The following ASB18 variants were observed in gnomAD, a reference collection of about 807,000 sequenced individuals.
The protein encoded by ASB18 is ankyrin repeat and SOCS box containing 18.
In ASB18, 33 loss-of-function variants were observed where a neutral mutation model predicts 33.4. The ratio of observed to expected loss-of-function variants is 0.99; its 90% confidence interval spans 0.75 to 1.32. The LOEUF (loss-of-function observed/expected upper bound fraction) is 1.32. Among genes scored for constraint, ASB18 ranks in the 40% most tolerant of loss-of-function variants. ASB18 has a pLI of 0.00. For synonymous variants in ASB18, 295 were observed against 307.6 expected (o/e 0.96, Z 0.43); for missense variants, 694 against 655.5 (o/e 1.06, Z -0.64).
At position 236,245,541 on chromosome 2, in the gene ASB18, T is replaced by C. The variant is rs1022606580; in HGVS notation, c.206-4139A>G. Among the ~76,000 whole-genome samples, 1 of 152,176 alleles carries C rather than the reference T, an allele frequency of 6.6e-6. No homozygotes were observed. The highest frequency in any genetic ancestry group is 2.1e-4 in the South Asian group (1 of 4,820). On this transcript the variant is annotated intron_variant, in intron 1 of 5. Transcript: ENST00000409749. This position sits in a 1 kb window ranked among gnomAD's most constrained non-coding sequence, Gnocchi z 4.7. Reference sequence around the variant, plus strand: ...CTCTCCAGGTGTCTGTGCAGGCTGTTCCTTCTGCCTGCAGTCCTTATTTTC... The same window carrying C: ...CTCTCCAGGTGTCTGTGCAGGCTGTCCCTTCTGCCTGCAGTCCTTATTTTC...
Position 236,196,107 on chromosome 2 carries a change from G to A in ASB18, c.1215+165C>T, listed in dbSNP as rs1289346482. On this transcript the variant is annotated intron_variant, in intron 5 of 5. Transcript: ENST00000409749. This position sits in a 1 kb window ranked among gnomAD's most constrained non-coding sequence, Gnocchi z 5.6. ...AAGCTCCTGGCTGTGTGATTATGGA[G>A]CCTCCAGAAAAAACCAGAAACGTGC... 1 of 657,802 alleles carries A rather than the reference G, an allele frequency of 1.5e-6. No individual in the cohort carries two copies. Among genetic ancestry groups the A allele is most frequent in the Non-Finnish European group, 2.8e-6 (1 of 354,130 alleles). 40.7% of individuals were successfully genotyped at this position (657,802 alleles called of 1,614,324 possible).
rs928908669 is a variant in ASB18, at chr2:236,214,283, C to T, written c.1101+79G>A. On this transcript the variant is annotated intron_variant, in intron 4 of 5. Coordinates refer to ENST00000409749, the MANE Select transcript of ASB18 (RefSeq NM_212556.4). This position sits in a 1 kb window ranked among gnomAD's most constrained non-coding sequence, Gnocchi z 6.5. ...GGGCCATTACACTTTGAGAGCGCCGCATGCAACCCAGCTCCCAGGCCGGTC... is the reference window on the plus strand; with the variant it reads ...GGGCCATTACACTTTGAGAGCGCCGTATGCAACCCAGCTCCCAGGCCGGTC... 59 of 1,437,050 alleles carry T rather than the reference C, an allele frequency of 4.1e-5. No individual in the cohort carries two copies. In the East Asian group the frequency reaches 1.5e-3, roughly 37 times the overall value. The allele number at this position is 1,437,050 out of a possible 1,614,324, so 89.0% of individuals were successfully genotyped here.
rs1230325601 is a variant in ASB18 at position 236,196,154 on chromosome 2, T to G, written c.1215+118A>C. The G allele has an allele frequency of 1.4e-6, 1 of 715,548 alleles. No individual in the cohort carries two copies. Among genetic ancestry groups the G allele is most frequent in the South Asian group, 1.5e-5 (1 of 66,604 alleles). The allele number at this position is 715,548 out of a possible 1,614,324, so 44.3% of individuals were successfully genotyped here. A position where few individuals can be genotyped will look rare whatever the true frequency, so the allele number is the denominator to read the frequency against. On this transcript the variant is annotated intron_variant, in intron 5 of 5. Transcript: ENST00000409749. The surrounding 1 kb of genome is among the most constrained non-coding windows in gnomAD (Gnocchi z 5.6). ...GTGCAAATACACCCTCATTTCCCAT[T>G]CTTCCTTTTTCAGATGTATAATACT...
At chr2:236,236,480 G>A (rs2060589536) in intron 3 of ASB18, among the ~76,000 whole-genome samples, 2 of 152,118 alleles carry the variant, frequency 1.3e-5, no homozygotes, top group Admixed American at 6.5e-5. Flanking sequence ...ATAAGTCTGC[G>A]GAATTTATCA....
Position 236,248,221 on chromosome 2 carries a change from A to C in ASB18, c.206-6819T>G, listed in dbSNP as rs776431205. 7 of 152,206 alleles carry C rather than the reference A, an allele frequency of 4.6e-5. No homozygotes were observed. Among genetic ancestry groups the C allele is most frequent in the Non-Finnish European group, 8.8e-5 (6 of 68,044 alleles). The allele number at this position is 152,206 out of a possible 1,614,324, so 9.4% of individuals were successfully genotyped here. A position where few individuals can be genotyped will look rare whatever the true frequency, so the allele number is the denominator to read the frequency against. ...ATGAATCACCTGAGGAACTTTAAAA[A>C]ACACGATGCCTGGAGCCCACCTGGT... On this transcript the variant is annotated intron_variant, in intron 1 of 5. Transcript: ENST00000409749. The surrounding 1 kb of genome is among the most constrained non-coding windows in gnomAD (Gnocchi z 4.9).
intron 4 of ASB18, among the ~76,000 whole-genome samples, chr2:236,197,072 G>C (rs62824561): frequency 7.2e-5 from 4 of 55,512 alleles, no homozygotes; most frequent in Middle Eastern, 0.022. Context: ...ATGTATCCCC[G>C]CCCCCCCCAT....
In ASB18 at chr2:236,237,807, A is replaced by G. The variant is rs1180356533; in HGVS notation, c.478T>C (p.Cys160Arg). ...PGGRGALHEA[C>R]LGGHTACVRL... is the part of the protein sequence containing the mutation. ...ACGCAGGCGGTGTGGCCCCCGAGGC[A>G]GGCCTCGTGCAGGGCGCCGCGGCCG... The change falls in exon 3 of 6, where the codon TGC becomes CGC. Residue 160 changes from cysteine to arginine, a missense_variant. Cys to Arg is a radical substitution (Grantham distance 180). Coordinates refer to ENST00000409749, the MANE Select transcript of ASB18 (RefSeq NM_212556.4). This position sits in a 1 kb window ranked among gnomAD's most constrained non-coding sequence, Gnocchi z 6.2. 8 of 1,419,048 alleles carry G rather than the reference A, an allele frequency of 5.6e-6. No individual in the cohort carries two copies. Among genetic ancestry groups the G allele is most frequent in the Non-Finnish European group, 7.3e-6 (8 of 1,092,628 alleles). 87.9% of individuals were successfully genotyped at this position (1,419,048 alleles called of 1,614,324 possible). A position where few individuals can be genotyped will look rare whatever the true frequency, so the allele number is the denominator to read the frequency against.
intron 1 of ASB18, among the ~76,000 whole-genome samples, chr2:236,246,975 G>A (rs1474685687): frequency 2.0e-5 from 3 of 152,128 alleles, no homozygotes; most frequent in Non-Finnish European, 4.4e-5. Flanking sequence ...TTTTTAAAAG[G>A]GATAGGACAC....
In ASB18 at chr2:236,208,591, T is replaced by G. The variant is rs1303634698; in HGVS notation, c.1101+5771A>C. On this transcript the variant is annotated intron_variant, in intron 4 of 5. Coordinates refer to ENST00000409749, the MANE Select transcript of ASB18 (RefSeq NM_212556.4). The surrounding 1 kb of genome is among the most constrained non-coding windows in gnomAD (Gnocchi z 7.7). Reference sequence around the variant, plus strand: ...CCACCCTGGGAAGAGGTGCCCTCCATTAGAGCAAAAGCACCACCTCCTCCC... The same window carrying G: ...CCACCCTGGGAAGAGGTGCCCTCCAGTAGAGCAAAAGCACCACCTCCTCCC... 6.6e-6 allele frequency among the ~76,000 whole-genome samples: 1 copy of G among 151,690 alleles called. No homozygotes were observed. The highest frequency in any genetic ancestry group is 1.5e-5 in the Non-Finnish European group (1 of 67,916).
In ASB18 at chr2:236,241,495, C is replaced by T. The variant is rs1173101967; in HGVS notation, c.206-93G>A. 1.4e-6 allele frequency: 2 copies of T among 1,458,860 alleles called. No individual in the cohort carries two copies. Among genetic ancestry groups the T allele is most frequent in the Non-Finnish European group, 1.9e-6 (2 of 1,054,758 alleles). The allele number at this position is 1,458,860 out of a possible 1,614,324, so 90.4% of individuals were successfully genotyped here. A position where few individuals can be genotyped will look rare whatever the true frequency, so the allele number is the denominator to read the frequency against. On this transcript the variant is annotated intron_variant, in intron 1 of 5. Transcript: ENST00000409749. This position sits in a 1 kb window ranked among gnomAD's most constrained non-coding sequence, Gnocchi z 4.2. ...CTTTTGAAATATTTGAAGTTTTCCT[C>T]TCACTGGCCCTGGCTGTCTCTCCAT...
rs562388444 is a variant in ASB18, at chr2:236,234,613, C to A, written c.596+3076G>T. On this transcript the variant is annotated intron_variant, in intron 3 of 5. Transcript: ENST00000409749. This position sits in a 1 kb window ranked among gnomAD's most constrained non-coding sequence, Gnocchi z 4.1. ...ACAAGAGAGCTCAGAAATAAACTCA[C>A]GCATATATAGTCCATTCATTTTTGA... 1.1e-4 allele frequency among the ~76,000 whole-genome samples: 17 copies of A among 152,182 alleles called. No homozygotes were observed. The highest frequency in any genetic ancestry group is 2.2e-4 in the Non-Finnish European group (15 of 68,042).
In ASB18 at chr2:236,217,294, C is replaced by T. The variant is rs2060492332; in HGVS notation, c.597-2428G>A. Among the ~76,000 whole-genome samples, 1 of 151,918 alleles carries T rather than the reference C, an allele frequency of 6.6e-6. No homozygotes were observed. The highest frequency in any genetic ancestry group is 6.6e-5 in the Admixed American group (1 of 15,260). On this transcript the variant is annotated intron_variant, in intron 3 of 5. Coordinates refer to ENST00000409749, the MANE Select transcript of ASB18 (RefSeq NM_212556.4). This position sits in a 1 kb window ranked among gnomAD's most constrained non-coding sequence, Gnocchi z 5.2. ...TAGTGGTGGATGCATGTAATCCCAG[C>T]CACTCGGGAGGCTGAGGCAGGAGAA...
At position 236,252,377 on chromosome 2, in the gene ASB18, C is replaced by T. The variant is rs2060672335; in HGVS notation, c.206-10975G>A. Among the ~76,000 whole-genome samples the T allele has an allele frequency of 2.6e-5, 4 of 151,548 alleles. No individual in the cohort carries two copies. The highest frequency in any genetic ancestry group is 2.1e-4 in the South Asian group (1 of 4,792). Reference sequence around the variant, plus strand: ...GGCAGACGTGGCCACCATCAACTAGCGGTGGAATCAGATCACTGCTATATG... The same window carrying T: ...GGCAGACGTGGCCACCATCAACTAGTGGTGGAATCAGATCACTGCTATATG... On this transcript the variant is annotated intron_variant, in intron 1 of 5. Transcript: ENST00000409749. This position sits in a 1 kb window ranked among gnomAD's most constrained non-coding sequence, Gnocchi z 7.9.
rs1553600511 is a variant in ASB18 at position 236,217,424 on chromosome 2, A to AAAAAAAAT, written c.597-2559_597-2558insATTTTTTT. ...CGAGACTCTGTCTCAAAAAAAAAAA[A>AAAAAAAAT]AAATAAATCTTGGCACCTTCAACTC... On this transcript the variant is annotated intron_variant, in intron 3 of 5. Transcript: ENST00000409749. This position sits in a 1 kb window ranked among gnomAD's most constrained non-coding sequence, Gnocchi z 5.2. 1.3e-3 allele frequency among the ~76,000 whole-genome samples: 193 copies of AAAAAAAAT among 150,402 alleles called. No homozygotes were observed. Among genetic ancestry groups the AAAAAAAAT allele is most frequent in the African/African-American group, 3.3e-3 (133 of 40,512 alleles).
rs73128930 is a variant in ASB18 at position 236,239,264 on chromosome 2, A to G, written c.329-1308T>C. 0.071 allele frequency among the ~76,000 whole-genome samples: 10,868 copies of G among 152,200 alleles called. 894 individuals are homozygous for G. Among genetic ancestry groups the G allele is most frequent in the African/African-American group, 0.2 (8,308 of 41,484 alleles). On this transcript the variant is annotated intron_variant, in intron 2 of 5. Coordinates refer to ENST00000409749, the MANE Select transcript of ASB18 (RefSeq NM_212556.4). The surrounding 1 kb of genome is among the most constrained non-coding windows in gnomAD (Gnocchi z 5.6). Reference sequence around the variant, plus strand: ...AAAACTACTTACTGCCTTCTCTGGGAAATGCTAAATCCCCAACCCAGCCCC... The same window carrying G: ...AAAACTACTTACTGCCTTCTCTGGGGAATGCTAAATCCCCAACCCAGCCCC...
chr2:236,224,860 C>T (rs1428769554), intron 3 of ASB18, among the ~76,000 whole-genome samples: 1 of 152,154 alleles, frequency 6.6e-6, no homozygotes, highest in Non-Finnish European at 1.5e-5. Flanking sequence ...TCTCTGAGAT[C>T]TCATTCTTCA....
rs928592662 is a variant in ASB18, at chr2:236,249,980, T to C, written c.206-8578A>G. On this transcript the variant is annotated intron_variant, in intron 1 of 5. Coordinates refer to ENST00000409749, the MANE Select transcript of ASB18 (RefSeq NM_212556.4). This position sits in a 1 kb window ranked among gnomAD's most constrained non-coding sequence, Gnocchi z 4.6. ...ATGAGTTCTTTATAATTGAGTCCTATAGTGGAGACACAAACATGAGTTCTT... is the reference window on the plus strand; with the variant it reads ...ATGAGTTCTTTATAATTGAGTCCTACAGTGGAGACACAAACATGAGTTCTT... The C allele has an allele frequency of 6.6e-6, 1 of 152,218 alleles. No individual in the cohort carries two copies. The highest frequency in any genetic ancestry group is 2.4e-5 in the African/African-American group (1 of 41,446). 9.4% of individuals were successfully genotyped at this position (152,218 alleles called of 1,614,324 possible). A position where few individuals can be genotyped will look rare whatever the true frequency, so the allele number is the denominator to read the frequency against.
rs963139917 is a variant in ASB18 at position 236,248,034 on chromosome 2, G to A, written c.206-6632C>T. 9 of 152,184 alleles carry A rather than the reference G, an allele frequency of 5.9e-5. No homozygotes were observed. Among genetic ancestry groups the A allele is most frequent in the African/African-American group, 1.2e-4 (5 of 41,444 alleles). 9.4% of individuals were successfully genotyped at this position (152,184 alleles called of 1,614,324 possible). ...ACAGGGTTATCATAAATATGCAGACGGGGTGTAGGCAGCAACATGCAATGC... is the reference window on the plus strand; with the variant it reads ...ACAGGGTTATCATAAATATGCAGACAGGGTGTAGGCAGCAACATGCAATGC... On this transcript the variant is annotated intron_variant, in intron 1 of 5. Coordinates refer to ENST00000409749, the MANE Select transcript of ASB18 (RefSeq NM_212556.4). This position sits in a 1 kb window ranked among gnomAD's most constrained non-coding sequence, Gnocchi z 4.9.
rs1381175948 is a variant in ASB18 at position 236,209,747 on chromosome 2, T to C, written c.1101+4615A>G. Among the ~76,000 whole-genome samples, 1 of 152,194 alleles carries C rather than the reference T, an allele frequency of 6.6e-6. No individual in the cohort carries two copies. Among genetic ancestry groups the C allele is most frequent in the Non-Finnish European group, 1.5e-5 (1 of 68,038 alleles). On this transcript the variant is annotated intron_variant, in intron 4 of 5. Coordinates refer to ENST00000409749, the MANE Select transcript of ASB18 (RefSeq NM_212556.4). The surrounding 1 kb of genome is among the most constrained non-coding windows in gnomAD (Gnocchi z 4.4). ...ATCTCCTTCCTTGAAAATGATGTAA[T>C]CAACTCCCAATATTCCAAAGTCAGA...
Sources: gnomAD v4.1 joint callset for allele counts (sites outside exome capture counted in the v4.1 genomes callset) on GRCh38, gnomAD v4.1.1 for gene constraint, Gnocchi (gnomAD v3.1) non-coding constraint, MANE v1.5 for transcripts, NCBI Gene and HGNC (gene_info 2026-07-23, HGNC 2026-07-21) for gene names.